MANBA: variants seen among roughly 807,000 people sequenced by gnomAD.
MANBA encodes mannosidase beta, also known as beta-mannosidase.
MANBA carries 83 observed loss-of-function variants against 111.1 expected under a neutral mutation model. The observed-to-expected ratio is 0.75, with a 90% confidence interval of 0.63 to 0.90. MANBA has a LOEUF of 0.90. Among genes scored for constraint, MANBA ranks in the 40% least tolerant of loss-of-function variants. The pLI is 0.00. For synonymous variants in MANBA, 370 were observed against 378.7 expected, an observed-to-expected ratio of 0.98 and a Z score of 0.27; for missense variants, 1,036 against 1,069.0, an observed-to-expected ratio of 0.97 and a Z score of 0.43.
At chr4:102,682,395 G>C (rs1002019020) in intron 7 of MANBA, among the ~76,000 whole-genome samples, 3 of 151,934 alleles carry the variant, frequency 2.0e-5, no homozygotes, top group Admixed American at 6.6e-5. Context: ...TGAAAAACAG[G>C]CCAATCTATA....
intron 12 of MANBA, among the ~76,000 whole-genome samples, chr4:102,655,549 G>C (rs1730522663): frequency 6.6e-6 from 1 of 152,170 alleles, no homozygotes; most frequent in African/African-American, 2.4e-5. Context: ...TTTAATGGGG[G>C]AAAGAATAGT....
At chr4:102,643,099 G>T (rs1729952812) in intron 13 of MANBA, among the ~76,000 whole-genome samples, 1 of 152,016 alleles carries the variant, frequency 6.6e-6, no homozygotes, top group Non-Finnish European at 1.5e-5. Context: ...ACCATACTGG[G>T]AAGCAGTCAC....
At chr4:102,677,554 T>C (rs936776353) in intron 7 of MANBA, among the ~76,000 whole-genome samples, 1 of 152,174 alleles carries the variant, frequency 6.6e-6, no homozygotes, top group Admixed American at 6.5e-5. Context: ...TGAATTTTAA[T>C]GTAACAGAGA....
At chr4:102,715,720 T>C (rs561485594) in intron 4 of MANBA, among the ~76,000 whole-genome samples, 1 of 152,328 alleles carries the variant, frequency 6.6e-6, no homozygotes, top group African/African-American at 2.4e-5. Context: ...TCAATAAATG[T>C]TGTTTTAAGC....
At chr4:102,656,329 C>T (rs1230556969) in intron 12 of MANBA, among the ~76,000 whole-genome samples, 2 of 151,102 alleles carry the variant, frequency 1.3e-5, no homozygotes, top group Non-Finnish European at 2.9e-5. Flanking sequence ...CCAGTAAGCA[C>T]GTGAAAAAAA....
intron 1 of MANBA, chr4:102,727,696 G>A: frequency 1.7e-6 from 2 of 1,189,942 alleles, no homozygotes; most frequent in South Asian, 2.4e-5. Flanking sequence ...CCCTCAGGAG[G>A]ATGGTTGTAG....
intron 7 of MANBA, among the ~76,000 whole-genome samples, chr4:102,679,109 G>C (rs915426189): frequency 3.3e-5 from 5 of 152,156 alleles, no homozygotes; most frequent in African/African-American, 4.8e-5. Flanking sequence ...TAAAAGTATT[G>C]AGAAAACAAG....
chr4:102,690,863 C>A (rs1732447657), intron 5 of MANBA, 92 bp from the exon 6 acceptor site: 1 of 409,334 alleles, frequency 2.4e-6, no homozygotes, highest in Non-Finnish European at 3.7e-6. Context: ...GAAGGTAAGA[C>A]TAAAGCAGCT....
chr4:102,730,678 G>A (rs1443044914), intron 1 of MANBA: 5 of 537,816 alleles, frequency 9.3e-6, no homozygotes, highest in Non-Finnish European at 1.9e-5. Context: ...CTTCTTCCGG[G>A]CTTGTAATAC....
At chr4:102,718,582 A>G (rs1560794750) in intron 4 of MANBA, among the ~76,000 whole-genome samples, 1 of 152,242 alleles carries the variant, frequency 6.6e-6, no homozygotes, top group Non-Finnish European at 1.5e-5. Flanking sequence ...AGCAGAAGTG[A>G]TGAGTCCCAC....
intron 16 of MANBA, 58 bp downstream of exon 16, chr4:102,634,730 G>A (rs1357923011): frequency 1.2e-6 from 2 of 1,607,772 alleles, no homozygotes; most frequent in African/African-American, 1.3e-5. Context: ...GCTGGCCCAA[G>A]AGCAGGAGAA....
rs1462663614 is a variant in MANBA at position 102,650,518 on chromosome 4, T to A, written c.1869+19A>T. On this transcript the variant is annotated intron_variant, in intron 13 of 16. Transcript: ENST00000647097. Reference sequence around the variant, plus strand: ...TTAATTGCAGGAACCTGTTCAATTCTAGAATGAAAACAACTTACCTGAGTA... The same window carrying A: ...TTAATTGCAGGAACCTGTTCAATTCAAGAATGAAAACAACTTACCTGAGTA... 1 of 1,598,030 alleles carries A rather than the reference T, an allele frequency of 6.3e-7. No homozygotes were observed. Among genetic ancestry groups the A allele is most frequent in the South Asian group, 1.1e-5 (1 of 90,778 alleles).
intron 13 of MANBA, among the ~76,000 whole-genome samples, chr4:102,643,360 T>C (rs999738480): frequency 6.6e-6 from 1 of 152,234 alleles, no homozygotes; most frequent in African/African-American, 2.4e-5. Context: ...TATGAATCTG[T>C]GAACAGGTTT....
At position 102,687,048 on chromosome 4, in the gene MANBA, A is replaced by T. The variant is rs181319957; in HGVS notation, c.960+2526T>A. On this transcript the variant is annotated intron_variant, in intron 7 of 16. Transcript: ENST00000647097. Reference sequence around the variant, plus strand: ...ATTTCCACCCAACCCCTTCCCCCAAACCTTCTCTTCTTTCTGAGTAATGTA... The same window carrying T: ...ATTTCCACCCAACCCCTTCCCCCAATCCTTCTCTTCTTTCTGAGTAATGTA... Among the ~76,000 whole-genome samples the T allele has an allele frequency of 1.1e-3, 167 of 151,906 alleles. 1 individual carries two copies. Among genetic ancestry groups the T allele is most frequent in the African/African-American group, 3.9e-3 (161 of 41,426 alleles).
intron 4 of MANBA, among the ~76,000 whole-genome samples, chr4:102,718,372 G>A (rs1353539480): frequency 2.6e-5 from 4 of 152,192 alleles, no homozygotes; most frequent in Admixed American, 2.6e-4. Context: ...GGGAGACAAT[G>A]GCAAATAGAT....
chr4:102,658,164 C>G (rs958873321), intron 11 of MANBA, among the ~76,000 whole-genome samples: 2 of 152,220 alleles, frequency 1.3e-5, no homozygotes, highest in African/African-American at 4.8e-5. Context: ...TTTGCCTCCA[C>G]TCTCATCCAT....
intron 12 of MANBA, among the ~76,000 whole-genome samples, chr4:102,652,600 T>C (rs1730385507): frequency 6.6e-6 from 1 of 152,106 alleles, no homozygotes; most frequent in Non-Finnish European, 1.5e-5. Context: ...TTGGTACTCA[T>C]AAAAACCCGG....
intron 12 of MANBA, among the ~76,000 whole-genome samples, chr4:102,652,240 T>C (rs1159121038): frequency 2.0e-5 from 3 of 152,196 alleles, no homozygotes; most frequent in Non-Finnish European, 4.4e-5. Context: ...ACCAACTCTA[T>C]TGTCCCTCCC....
chr4:102,705,149 G>T (rs1270914487), intron 5 of MANBA, among the ~76,000 whole-genome samples: 1 of 152,148 alleles, frequency 6.6e-6, no homozygotes, highest in Non-Finnish European at 1.5e-5. Flanking sequence ...CTGAAAGCCT[G>T]GAGAGGCTCC....
Sources: gnomAD v4.1 joint callset for allele counts (sites outside exome capture counted in the v4.1 genomes callset) on GRCh38, gnomAD v4.1.1 for gene constraint, MANE v1.5 for transcripts, NCBI Gene and HGNC (gene_info 2026-07-23, HGNC 2026-07-21) for gene names.